MEI1: variants seen among roughly 807,000 people sequenced by gnomAD.
MEI1 encodes the protein meiotic double-stranded break formation protein 1.
A neutral mutation model predicts 146.2 loss-of-function variants in MEI1; 103 were observed. The observed-to-expected ratio is 0.70, with a 90% CI of 0.60 to 0.83. MEI1 has a LOEUF of 0.83. Among genes scored for constraint, MEI1 ranks in the 40% least tolerant of loss-of-function variants. The probability of loss-of-function intolerance (pLI) is 0.00; values close to 1 mark genes in which losing one functional copy is unlikely to be tolerated. For missense variants in MEI1, 1,529 were observed against 1,533.0 expected, an observed-to-expected ratio of 1.00 and a Z score of 0.04; for synonymous variants, 652 against 628.2, an observed-to-expected ratio of 1.04 and a Z score of -0.57.
intron 30 of MEI1, among the ~76,000 whole-genome samples, chr22:41,797,814 T>G (rs1346183052): frequency 6.6e-6 from 1 of 152,068 alleles, no homozygotes; most frequent in East Asian, 1.9e-4. Context: ...ACCTACCTCC[T>G]AGGGTTGTAG....
chr22:41,721,656 G>A (rs1024908238), intron 6 of MEI1, among the ~76,000 whole-genome samples: 1 of 150,944 alleles, frequency 6.6e-6, no homozygotes, highest in African/African-American at 2.4e-5. Context: ...GACTTCCGAA[G>A]TGCTGGGATT....
intron 1 of MEI1, among the ~76,000 whole-genome samples, chr22:41,702,895 T>C (rs1429052622): frequency 6.6e-6 from 1 of 152,114 alleles, no homozygotes; most frequent in Non-Finnish European, 1.5e-5. Flanking sequence ...AATTTTTTTA[T>C]TTTTAGTTGA....
intron 13 of MEI1, 135 bp downstream of exon 13, chr22:41,745,199 G>C: frequency 1.6e-6 from 1 of 607,088 alleles, no homozygotes; most frequent in Non-Finnish European, 2.6e-6. Context: ...TTTGGCTGGG[G>C]TAGGGGTTGG....
intron 14 of MEI1, chr22:41,747,393 G>C (rs1020905219): frequency 2.0e-5 from 3 of 152,378 alleles, no homozygotes; most frequent in Admixed American, 6.6e-5. Flanking sequence ...CATTCCCCCT[G>C]CTTTACTTGA....
At position 41,770,733 on chromosome 22, in the gene MEI1, G is replaced by A; in HGVS notation, c.2316G>A (p.Leu772=). The A allele has an allele frequency of 6.2e-7, 1 of 1,613,904 alleles. No homozygotes were observed. Among genetic ancestry groups the A allele is most frequent in the South Asian group, 1.1e-5 (1 of 91,072 alleles). ...IRKFLEGIPD[L]QLVYTHHPLL... ...AATTCCTAGAAGGCATCCCAGACCT[G>A]CAGCTAGTCTATACTCACCATCCGC... The change falls in exon 20 of 31, where the codon CTG becomes CTA. Residue 772 remains leucine (L), a synonymous_variant. Coordinates refer to ENST00000401548, the MANE Select transcript of MEI1 (RefSeq NM_152513.4).
chr22:41,750,163 A>T (rs2073652595), intron 15 of MEI1, among the ~76,000 whole-genome samples: 1 of 152,172 alleles, frequency 6.6e-6, no homozygotes, highest in Admixed American at 6.6e-5. Flanking sequence ...CTCAGTGGGG[A>T]TCAGGTGAGA....
intron 3 of MEI1, among the ~76,000 whole-genome samples, chr22:41,711,169 ATTTCTTTTTT>A (rs949338840): frequency 1.3e-5 from 2 of 151,572 alleles, no homozygotes; most frequent in Admixed American, 6.6e-5. Context: ...TGTCACCAGT[ATTTCTTTTTT>A]TTTCTTTTTT....
intron 17 of MEI1, among the ~76,000 whole-genome samples, chr22:41,756,365 G>A (rs1196837213): frequency 2.0e-5 from 3 of 152,010 alleles, no homozygotes; most frequent in Admixed American, 6.5e-5. Context: ...TTGAACTCCT[G>A]GCCTCAAACA....
chr22:41,746,085 G>A lies in MEI1; in HGVS notation c.1680+59G>A, dbSNP rs1392895532. 6 of 1,491,416 alleles carry A rather than the reference G, an allele frequency of 4.0e-6. 1 individual carries two copies. Among genetic ancestry groups the A allele is most frequent in the South Asian group, 3.9e-5 (3 of 76,834 alleles). The allele number at this position is 1,491,416 out of a possible 1,614,324, so 92.4% of individuals were successfully genotyped here. ...TTGGGGAAGAGAAGAATGTGCAGGC[G>A]AGCCAGGCTCAGAGGCATAAGGCAG... is the stretch of plus-strand genomic sequence containing the variant. On this transcript the variant is annotated intron_variant, in intron 14 of 30. Transcript: ENST00000401548.
intron 11 of MEI1, among the ~76,000 whole-genome samples, chr22:41,735,179 G>A (rs1242554344): frequency 6.7e-6 from 1 of 149,348 alleles, no homozygotes; most frequent in African/African-American, 2.5e-5. Context: ...AGCCAGGATG[G>A]TCTCGATCTC....
At chr22:41,766,270 C>T (rs2074850030) in intron 19 of MEI1, among the ~76,000 whole-genome samples, 1 of 151,714 alleles carries the variant, frequency 6.6e-6, no homozygotes, top group Admixed American at 6.6e-5. Context: ...GCCTCGGGTT[C>T]AAGCAATTAT....
At chr22:41,792,545 C>T (rs2076216171) in intron 26 of MEI1, among the ~76,000 whole-genome samples, 2 of 152,062 alleles carry the variant, frequency 1.3e-5, no homozygotes, top group Non-Finnish European at 2.9e-5. Flanking sequence ...AGAGAGTGTC[C>T]AGGGTCCACC....
At chr22:41,737,844 A>G (rs1299472025) in intron 11 of MEI1, among the ~76,000 whole-genome samples, 3 of 152,144 alleles carry the variant, frequency 2.0e-5, no homozygotes, top group Non-Finnish European at 2.9e-5. Flanking sequence ...GTTAAAATGG[A>G]CAGTGAGACT....
chr22:41,752,324 T>C (rs2073814292), intron 15 of MEI1: 2 of 437,136 alleles, frequency 4.6e-6, no homozygotes, highest in Non-Finnish European at 8.4e-6. Context: ...TTGCAGCACT[T>C]ACTTTGAGCC....
chr22:41,716,433 A>G (rs140896553), intron 5 of MEI1, among the ~76,000 whole-genome samples: 2,108 of 140,030 alleles, frequency 0.015, 26 homozygotes, highest in Non-Finnish European at 0.024. Context: ...CTGGAGTGCA[A>G]TGGCGCAATC....
chr22:41,730,782 G>C lies in MEI1; in HGVS notation c.1096+145G>C, dbSNP rs574942651. On this transcript the variant is annotated intron_variant, in intron 9 of 30. Coordinates refer to ENST00000401548, the MANE Select transcript of MEI1 (RefSeq NM_152513.4). ...TTTCATCAGCCCAAACTCATTACCA[G>C]ATTTCATATGCAAGTATTGATATCC... 6.6e-5 allele frequency: 39 copies of C among 595,252 alleles called. 2 individuals are homozygous for C. In the South Asian group the frequency reaches 7.9e-4, roughly 12 times the overall value. The allele number at this position is 595,252 out of a possible 1,614,324, so 36.9% of individuals were successfully genotyped here. A position where few individuals can be genotyped will look rare whatever the true frequency, so the allele number is the denominator to read the frequency against.
chr22:41,718,115 G>A lies in MEI1; in HGVS notation c.574G>A (p.Glu192Lys), dbSNP rs2070382773. The change falls in exon 6 of 31, where the codon GAG becomes AAG. Residue 192 changes from glutamate (E) to lysine (K), a missense_variant. Glu to Lys is a moderately conservative substitution (Grantham distance 56). Transcript: ENST00000401548. ...HLLRGLVYPSEGIQASVCYLY... is the reference protein window; with the variant it reads ...HLLRGLVYPSKGIQASVCYLY... ...GTTGAGAGGCTTAGTATACCCCAGT[G>A]AGGGCATACAAGCTTCTGTCTGTTA... 18 of 1,613,458 alleles carry A rather than the reference G, an allele frequency of 1.1e-5. No homozygotes were observed. Among genetic ancestry groups the A allele is most frequent in the Non-Finnish European group, 1.5e-5 (18 of 1,179,856 alleles).
chr22:41,798,116 A>AACACACACACACACAC (rs60766866), intron 30 of MEI1, among the ~76,000 whole-genome samples: 2 of 135,914 alleles, frequency 1.5e-5, no homozygotes, highest in Non-Finnish European at 3.2e-5. Context: ...TCCTCAGCCC[A>AACACACACACACACAC]ACACACACAC....
At chr22:41,729,230 G>C (rs2071641010) in intron 7 of MEI1, among the ~76,000 whole-genome samples, 1 of 151,286 alleles carries the variant, frequency 6.6e-6, no homozygotes, top group Non-Finnish European at 1.5e-5. Context: ...CTACTCAGGA[G>C]GCTGAAATGA....
Sources: allele counts gnomAD v4.1 joint callset (sites outside exome capture counted in the v4.1 genomes callset), GRCh38; gene constraint gnomAD v4.1.1; transcripts MANE v1.5; gene names NCBI Gene and HGNC (gene_info 2026-07-23, HGNC 2026-07-21).